SS18L1: variants seen among roughly 807,000 people sequenced by gnomAD.
SS18L1 encodes the protein SS18L1 subunit of BAF chromatin remodeling complex.
SS18L1 carries 32 observed loss-of-function variants against 70.3 expected under a neutral mutation model. That is an observed-to-expected ratio of 0.46 (90% CI 0.34 to 0.61). The LOEUF is 0.61. Among genes scored for constraint, SS18L1 ranks in the 20% least tolerant of loss-of-function variants. The pLI is 0.01. For synonymous variants in SS18L1, 237 were observed against 229.7 expected (o/e 1.03, Z -0.29); for missense variants, 430 against 542.1 (o/e 0.79, Z 2.05).
intron 8 of SS18L1, among the ~76,000 whole-genome samples, chr20:62,171,665 T>A (rs2057533986): frequency 6.6e-6 from 1 of 152,234 alleles, no homozygotes; most frequent in Non-Finnish European, 1.5e-5. Flanking sequence ...TTTAAAATAC[T>A]TAAATTTTAC....
chr20:62,158,382 C>T lies in SS18L1; in HGVS notation c.70-290C>T, dbSNP rs936699173. 1.4e-4 allele frequency among the ~76,000 whole-genome samples: 21 copies of T among 151,268 alleles called. 1 individual carries two copies. Among genetic ancestry groups the T allele is most frequent in the African/African-American group, 4.9e-4 (20 of 41,108 alleles). On this transcript the variant is annotated intron_variant, in intron 1 of 10. Coordinates refer to ENST00000331758, the MANE Select transcript of SS18L1 (RefSeq NM_198935.3). This position sits in a 1 kb window ranked among gnomAD's most constrained non-coding sequence, Gnocchi z 4.5. ...TCGTATACAGAACAGGCGTAGCATC[C>T]GAGATCTGGAAATTTGAAGTGCTCC...
Position 62,179,341 on chromosome 20 carries a change from G to A in SS18L1, c.*133G>A. 3.1e-6 allele frequency: 3 copies of A among 983,576 alleles called. No individual in the cohort carries two copies. Among genetic ancestry groups the A allele is most frequent in the South Asian group, 1.4e-5 (1 of 70,874 alleles). 60.9% of individuals were successfully genotyped at this position (983,576 alleles called of 1,614,324 possible). A position where few individuals can be genotyped will look rare whatever the true frequency, so the allele number is the denominator to read the frequency against. The stretch of plus-strand genomic sequence containing the variant: ...AGTGCCACGTCTGCATGTGAAGCGT[G>A]CTCATTTCATGCTGGGTATGACGCC... On this transcript the variant is annotated 3_prime_UTR_variant, in exon 11 of 11. Coordinates refer to ENST00000331758, the MANE Select transcript of SS18L1 (RefSeq NM_198935.3).
rs2057585180 is a variant in SS18L1, at chr20:62,174,458, A to T, written c.1037-59A>T. 6.5e-7 allele frequency: 1 copy of T among 1,539,860 alleles called. No individual in the cohort carries two copies. On this transcript the variant is annotated intron_variant, in intron 9 of 10. Coordinates refer to ENST00000331758, the MANE Select transcript of SS18L1 (RefSeq NM_198935.3). This position sits in a 1 kb window ranked among gnomAD's most constrained non-coding sequence, Gnocchi z 4.1. The stretch of plus-strand genomic sequence containing the variant: ...TTTTAAAAAAAATTTTTAAGTTAAG[A>T]AAAAAAAAGAAAGAGGTGTCCGTTT...
intron 1 of SS18L1, among the ~76,000 whole-genome samples, chr20:62,156,435 C>T (rs970231915): frequency 6.6e-6 from 1 of 152,178 alleles, no homozygotes; most frequent in Non-Finnish European, 1.5e-5. Context: ...GATGGCTCCT[C>T]GGCCCCATTG....
At chr20:62,179,111 G>C (rs999054736) in intron 10 of SS18L1, 71 bp from the exon 11 acceptor site, 5 of 1,562,568 alleles carry the variant, frequency 3.2e-6, no homozygotes, top group Non-Finnish European at 4.4e-6. Flanking sequence ...CCCTGTCCGG[G>C]CTGGGGTGGA....
chr20:62,152,986 C>T (rs1276197312), intron 1 of SS18L1, among the ~76,000 whole-genome samples: 1 of 152,164 alleles, frequency 6.6e-6, no homozygotes. Flanking sequence ...TGTTCTTACA[C>T]TGCTATGAAG....
At chr20:62,165,632 A>G in intron 8 of SS18L1, 118 bp downstream of exon 8, 1 of 937,574 alleles carries the variant, frequency 1.1e-6, no homozygotes, top group South Asian at 1.5e-5. Flanking sequence ...AAATCACAGC[A>G]CAGCGCGTGG....
At chr20:62,177,111 CCACTGGGCTA>C (rs1453500454) in intron 10 of SS18L1, among the ~76,000 whole-genome samples, 1 of 152,196 alleles carries the variant, frequency 6.6e-6, no homozygotes, top group Non-Finnish European at 1.5e-5. Flanking sequence ...CGTTTGAGAA[CCACTGGGCTA>C]CACTTAAACA....
At position 62,161,740 on chromosome 20, in the gene SS18L1, C is replaced by G. The variant is rs2057334246; in HGVS notation, c.376+160C>G. Among the ~76,000 whole-genome samples the G allele has an allele frequency of 6.6e-6, 1 of 152,242 alleles. No homozygotes were observed. Among genetic ancestry groups the G allele is most frequent in the East Asian group, 1.9e-4 (1 of 5,196 alleles). On this transcript the variant is annotated intron_variant, in intron 4 of 10. Coordinates refer to ENST00000331758, the MANE Select transcript of SS18L1 (RefSeq NM_198935.3). This position sits in a 1 kb window ranked among gnomAD's most constrained non-coding sequence, Gnocchi z 4.4. The stretch of plus-strand genomic sequence containing the variant: ...CAGGTCGGCTGCCATCGCCCAGGCT[C>G]AGGGCCGCAGCGAGCGTGCCGTGCG...
At position 62,149,642 on chromosome 20, in the gene SS18L1, C is replaced by G. The variant is rs537622518; in HGVS notation, c.69+5753C>G. The stretch of plus-strand genomic sequence containing the variant: ...CTGTGCCCCAGTTTCCTTGTCTTTA[C>G]GAAGAGGACAGGGCTGTGGCCTCCC... On this transcript the variant is annotated intron_variant, in intron 1 of 10. Transcript: ENST00000331758. Among the ~76,000 whole-genome samples, 3 of 152,322 alleles carry G rather than the reference C, an allele frequency of 2.0e-5. No individual in the cohort carries two copies. The South Asian group carries it at 6.2e-4, about 32-fold the overall frequency.
intron 1 of SS18L1, among the ~76,000 whole-genome samples, chr20:62,155,802 A>G (rs1031469865): frequency 6.6e-6 from 1 of 152,106 alleles, no homozygotes; most frequent in Non-Finnish European, 1.5e-5. Flanking sequence ...GCACTGATTC[A>G]GTTGTTACTC....
chr20:62,147,928 G>T (rs1178058757), intron 1 of SS18L1, among the ~76,000 whole-genome samples: 1 of 152,208 alleles, frequency 6.6e-6, no homozygotes, highest in Admixed American at 6.5e-5. Flanking sequence ...GTAGGCAGTG[G>T]GCACCCTGTG....
At chr20:62,145,974 C>G (rs927569280) in intron 1 of SS18L1, among the ~76,000 whole-genome samples, 1 of 148,840 alleles carries the variant, frequency 6.7e-6, no homozygotes, top group Non-Finnish European at 1.5e-5. Context: ...AGGAAGTCTA[C>G]AACTTGTCCT....
rs867558459 is a variant in SS18L1, at chr20:62,158,872, G to A, written c.146+124G>A. The A allele has an allele frequency of 5.9e-5, 95 of 1,605,452 alleles. No homozygotes were observed. The Admixed American group carries it at 1.3e-3, about 22-fold the overall frequency. Reference sequence around the variant, plus strand: ...GATAAGTCCCAGGAGTCCCCAGCACGGAGGCCAGATATGTCCCAGGAGTCC... The same window carrying A: ...GATAAGTCCCAGGAGTCCCCAGCACAGAGGCCAGATATGTCCCAGGAGTCC... On this transcript the variant is annotated intron_variant, in intron 2 of 10. Coordinates refer to ENST00000331758, the MANE Select transcript of SS18L1 (RefSeq NM_198935.3). This position sits in a 1 kb window ranked among gnomAD's most constrained non-coding sequence, Gnocchi z 4.5.
At position 62,180,550 on chromosome 20, in the gene SS18L1, T is replaced by C. The variant is rs74840627; in HGVS notation, c.*1342T>C. 954 of 179,338 alleles carry C rather than the reference T, an allele frequency of 5.3e-3. 8 individuals carry two copies. Among genetic ancestry groups the C allele is most frequent in the African/African-American group, 0.021 (878 of 42,470 alleles). 11.1% of individuals were successfully genotyped at this position (179,338 alleles called of 1,614,324 possible). On this transcript the variant is annotated 3_prime_UTR_variant, in exon 11 of 11. Coordinates refer to ENST00000331758, the MANE Select transcript of SS18L1 (RefSeq NM_198935.3). Reference sequence around the variant, plus strand: ...TACAAGAGATATCCAATGCTTGATATATGAGGCCTAGTAATAACGATATTT... The same window carrying C: ...TACAAGAGATATCCAATGCTTGATACATGAGGCCTAGTAATAACGATATTT...
At position 62,163,533 on chromosome 20, in the gene SS18L1, A is replaced by AGTC; in HGVS notation, c.636_638dup (p.Ser213dup). 2 of 1,611,768 alleles carry AGTC rather than the reference A, an allele frequency of 1.2e-6. No homozygotes were observed. Among genetic ancestry groups the AGTC allele is most frequent in the Non-Finnish European group, 1.7e-6 (2 of 1,179,784 alleles). On this transcript the variant is annotated inframe_insertion, in exon 6 of 11. Coordinates refer to ENST00000331758, the MANE Select transcript of SS18L1 (RefSeq NM_198935.3). ...GGCGGCAGCCAGCACTACCAGGGCC[A>AGTC]GTCGTCCATCGCCATGATGGGGCAG...
chr20:62,150,387 C>T (rs1321504426), intron 1 of SS18L1, among the ~76,000 whole-genome samples: 1 of 152,192 alleles, frequency 6.6e-6, no homozygotes, highest in African/African-American at 2.4e-5. Context: ...CAGGTGCCAT[C>T]GCTGGCTTAG....
chr20:62,174,290 A>G lies in SS18L1; in HGVS notation c.1037-227A>G, dbSNP rs1398966627. Among the ~76,000 whole-genome samples, 1 of 152,064 alleles carries G rather than the reference A, an allele frequency of 6.6e-6. No homozygotes were observed. Among genetic ancestry groups the G allele is most frequent in the Non-Finnish European group, 1.5e-5 (1 of 68,002 alleles). On this transcript the variant is annotated intron_variant, in intron 9 of 10. Transcript: ENST00000331758. This position sits in a 1 kb window ranked among gnomAD's most constrained non-coding sequence, Gnocchi z 4.1. ...CTGGGGCACAGTCCTGGGACCTCAC[A>G]GGACTGGAGGGGCTGGTGAGTCGGT...
chr20:62,179,301 G>T lies in SS18L1; in HGVS notation c.*93G>T. 1 of 1,465,248 alleles carries T rather than the reference G, an allele frequency of 6.8e-7. No homozygotes were observed. The highest frequency in any genetic ancestry group is 2.3e-5 in the East Asian group (1 of 44,188). 90.8% of individuals were successfully genotyped at this position (1,465,248 alleles called of 1,614,324 possible). ...AGCTCTGGTGAATTGTGACATGTTG[G>T]TTACCTGTTCGCCCAGTGCCACGTC... On this transcript the variant is annotated 3_prime_UTR_variant, in exon 11 of 11. Coordinates refer to ENST00000331758, the MANE Select transcript of SS18L1 (RefSeq NM_198935.3).
Sources: gnomAD v4.1 joint callset for allele counts (sites outside exome capture counted in the v4.1 genomes callset) on GRCh38, gnomAD v4.1.1 for gene constraint, Gnocchi (gnomAD v3.1) non-coding constraint, MANE v1.5 for transcripts, NCBI Gene and HGNC (gene_info 2026-07-23, HGNC 2026-07-21) for gene names.